CACNA2D2: variants seen among roughly 807,000 people sequenced by gnomAD.
The protein encoded by CACNA2D2 is voltage-dependent calcium channel subunit alpha-2/delta-2.
A neutral mutation model predicts 166.4 loss-of-function variants in CACNA2D2; 48 were observed. The ratio of observed to expected loss-of-function variants is 0.29; its 90% confidence interval spans 0.23 to 0.37. CACNA2D2 has a LOEUF of 0.37. Among genes scored for constraint, CACNA2D2 ranks in the 10% least tolerant of loss-of-function variants. The pLI is 1.00. For synonymous variants in CACNA2D2, 561 were observed against 573.7 expected, an observed-to-expected ratio of 0.98 and a Z score of 0.32; for missense variants, 1,122 against 1,433.0, an observed-to-expected ratio of 0.78 and a Z score of 3.50.
At chr3:50,487,248 A>AT (rs1387237615) in intron 1 of CACNA2D2, among the ~76,000 whole-genome samples, 1 of 152,206 alleles carries the variant, frequency 6.6e-6, no homozygotes, top group African/African-American at 2.4e-5. Context: ...CGCCCCTCGT[A>AT]TACAGCCTTT....
intron 3 of CACNA2D2, among the ~76,000 whole-genome samples, chr3:50,409,807 G>A (rs989877171): frequency 1.3e-5 from 2 of 152,226 alleles, no homozygotes; most frequent in African/African-American, 4.8e-5. Context: ...GCTGGCTGTG[G>A]ATCAGACAGC....
chr3:50,450,931 T>G (rs916568083), intron 2 of CACNA2D2, among the ~76,000 whole-genome samples: 1 of 152,102 alleles, frequency 6.6e-6, no homozygotes, highest in Non-Finnish European at 1.5e-5. Flanking sequence ...CTCTGAGCTG[T>G]CTCCCCGCCT....
Position 50,377,776 on chromosome 3 carries a change from G to C in CACNA2D2, c.1507C>G (p.Leu503Val). 2.5e-6 allele frequency: 4 copies of C among 1,613,346 alleles called. No individual in the cohort carries two copies. The highest frequency in any genetic ancestry group is 3.4e-6 in the Non-Finnish European group (4 of 1,179,820). The change falls in exon 16 of 38, where the codon CTC (leucine) becomes GTC (valine). Residue 503 changes from leucine (L) to valine (V), a missense_variant. Leu to Val is a conservative substitution (Grantham distance 32, BLOSUM62 1). Around this residue, in one of 2 missense-constraint regions of CACNA2D2, gnomAD observed 840 missense variants for 1,166.8 expected, o/e 0.72. Transcript: ENST00000424201. ...TCCTGTGTCAGGTTGAAAACAGGGA[G>C]GGTCCCTGTTACCACCAACCCCAGT... ...LGLGLVVTGT[L>V]PVFNLTQDGP...
intron 2 of CACNA2D2, among the ~76,000 whole-genome samples, chr3:50,472,471 T>C (rs1195614503): frequency 2.0e-5 from 3 of 152,180 alleles, no homozygotes; most frequent in African/African-American, 7.2e-5. Context: ...CAGGCAGCTC[T>C]AGCCTCAGCC....
rs567747191 is a variant in CACNA2D2, at chr3:50,438,020, T to C, written c.289-3591A>G. On this transcript the variant is annotated intron_variant, in intron 2 of 37. Transcript: ENST00000424201. Reference sequence around the variant, plus strand: ...CTGATCCCAGGGTGCCCCAGCTCTGTGCCAGCAGTGATAGGGAGGGAGAGG... The same window carrying C: ...CTGATCCCAGGGTGCCCCAGCTCTGCGCCAGCAGTGATAGGGAGGGAGAGG... Among the ~76,000 whole-genome samples, 9 of 152,318 alleles carry C rather than the reference T, an allele frequency of 5.9e-5. No homozygotes were observed. In the South Asian group the frequency reaches 1.9e-3, roughly 32 times the overall value.
chr3:50,482,239 C>T (rs1049005679), intron 1 of CACNA2D2, among the ~76,000 whole-genome samples: 4 of 152,160 alleles, frequency 2.6e-5, no homozygotes, highest in Admixed American at 6.5e-5. Flanking sequence ...CCTAGGCCCT[C>T]GCCCTGCTGC....
chr3:50,464,711 G>A (rs760793431), intron 2 of CACNA2D2, among the ~76,000 whole-genome samples: 3 of 152,186 alleles, frequency 2.0e-5, no homozygotes, highest in Non-Finnish European at 2.9e-5. Context: ...CTGCTCCTTC[G>A]TTTCCCCTGA....
chr3:50,372,997 G>T, intron 22 of CACNA2D2: 1 of 1,320,194 alleles, frequency 7.6e-7, no homozygotes. Flanking sequence ...GCAGGGAGGG[G>T]GGCAAGCAGG....
chr3:50,473,323 T>C (rs1487569246), intron 2 of CACNA2D2, among the ~76,000 whole-genome samples: 1 of 152,190 alleles, frequency 6.6e-6, no homozygotes, highest in Non-Finnish European at 1.5e-5. Context: ...CTGTCTGCAG[T>C]TTCTGCACTC....
chr3:50,400,625 G>T (rs1706401194), intron 3 of CACNA2D2, among the ~76,000 whole-genome samples: 1 of 152,368 alleles, frequency 6.6e-6, no homozygotes, highest in East Asian at 1.9e-4. Context: ...GGCCGAGCAG[G>T]GTCCGTGACT....
At chr3:50,501,274 C>T (rs1271599203) in intron 1 of CACNA2D2, among the ~76,000 whole-genome samples, 1 of 152,214 alleles carries the variant, frequency 6.6e-6, no homozygotes, top group African/African-American at 2.4e-5. Context: ...TGTGCATCCT[C>T]GTCTGCGGGA....
At position 50,365,018 on chromosome 3, in the gene CACNA2D2, G is replaced by C; in HGVS notation, c.3209-48C>G. The stretch of plus-strand genomic sequence containing the variant: ...GGAGGCGGACGGCGGCGGCGGCACG[G>C]AGGGGGCGCGCGGGGCAGAGGGGGA... On this transcript the variant is annotated intron_variant, in intron 36 of 37. Coordinates refer to ENST00000424201, the MANE Select transcript of CACNA2D2 (RefSeq NM_006030.4). This position sits in a 1 kb window ranked among gnomAD's most constrained non-coding sequence, Gnocchi z 4.5. 1 of 1,603,942 alleles carries C rather than the reference G, an allele frequency of 6.2e-7. No homozygotes were observed. Among genetic ancestry groups the C allele is most frequent in the Non-Finnish European group, 8.5e-7 (1 of 1,175,596 alleles).
rs587729402 is a variant in CACNA2D2 at position 50,364,534 on chromosome 3, T to G, written c.*132A>C. On this transcript the variant is annotated 3_prime_UTR_variant, in exon 38 of 38. Transcript: ENST00000424201. ...CCATCCCAAGGCGCAGACCAGACTC[T>G]CAGGGCCTGGCCAGCTCAGGTCCTT... 50 of 1,166,090 alleles carry G rather than the reference T, an allele frequency of 4.3e-5. No individual in the cohort carries two copies. The African/African-American group carries it at 6.7e-4, about 16-fold the overall frequency. The allele number at this position is 1,166,090 out of a possible 1,614,324, so 72.2% of individuals were successfully genotyped here.
chr3:50,467,813 A>G (rs1396729828), intron 2 of CACNA2D2, among the ~76,000 whole-genome samples: 1 of 152,184 alleles, frequency 6.6e-6, no homozygotes, highest in Non-Finnish European at 1.5e-5. Flanking sequence ...CAGATATAAG[A>G]AAAGGTTTAT....
At chr3:50,482,135 C>T (rs924187948) in intron 1 of CACNA2D2, among the ~76,000 whole-genome samples, 2 of 152,232 alleles carry the variant, frequency 1.3e-5, no homozygotes, top group South Asian at 2.1e-4. Flanking sequence ...AGGCCACTCC[C>T]CCATCCCAGC....
intron 2 of CACNA2D2, among the ~76,000 whole-genome samples, chr3:50,436,265 C>T (rs150348064): frequency 6.6e-6 from 1 of 152,336 alleles, no homozygotes; most frequent in East Asian, 1.9e-4. Flanking sequence ...GGCACTGCTG[C>T]CCGGCTTCTC....
At chr3:50,478,166 G>A (rs972857695) in intron 1 of CACNA2D2, among the ~76,000 whole-genome samples, 2 of 152,232 alleles carry the variant, frequency 1.3e-5, no homozygotes, top group African/African-American at 4.8e-5. Context: ...CTAACCCTGA[G>A]TGCGGGTGGA....
At chr3:50,478,161 C>A (rs1448247994) in intron 1 of CACNA2D2, among the ~76,000 whole-genome samples, 1 of 152,218 alleles carries the variant, frequency 6.6e-6, no homozygotes, top group African/African-American at 2.4e-5. Context: ...AAAATCTAAC[C>A]CTGAGTGCGG....
At chr3:50,480,354 C>A (rs1457348474) in intron 1 of CACNA2D2, among the ~76,000 whole-genome samples, 1 of 152,064 alleles carries the variant, frequency 6.6e-6, no homozygotes, top group Admixed American at 6.5e-5. Context: ...TGGTCAAATC[C>A]ACAGGCTTTT....
Sources: allele counts gnomAD v4.1 joint callset (sites outside exome capture counted in the v4.1 genomes callset), GRCh38; gene constraint gnomAD v4.1.1; regional missense constraint gnomAD v4.1.1; non-coding constraint Gnocchi (gnomAD v3.1); transcripts MANE v1.5; gene names NCBI Gene and HGNC (gene_info 2026-07-23, HGNC 2026-07-21).